AAMDC: variants seen among roughly 807,000 people sequenced by gnomAD.
The protein encoded by AAMDC is mth938 domain-containing protein.
In AAMDC, 16 loss-of-function variants were observed where a neutral mutation model predicts 15.5. That is an observed-to-expected ratio of 1.03 (90% CI 0.70 to 1.57). The LOEUF is 1.57. Among genes scored for constraint, AAMDC ranks in the 40% most tolerant of loss-of-function variants. AAMDC has a pLI of 0.00. For synonymous variants in AAMDC, 51 were observed against 51.6 expected, an observed-to-expected ratio of 0.99 and a Z score of 0.05; for missense variants, 141 against 144.9, an observed-to-expected ratio of 0.97 and a Z score of 0.14.
rs111466824 is a variant in AAMDC, at chr11:77,839,908, A to T, written c.-18-2571A>T. 1.6e-3 allele frequency among the ~76,000 whole-genome samples: 244 copies of T among 152,280 alleles called. 2 individuals carry two copies. The highest frequency in any genetic ancestry group is 5.7e-3 in the African/African-American group (235 of 41,542). On this transcript the variant is annotated intron_variant, in intron 1 of 3. Transcript: ENST00000393427. ...GGTGATGGGTTGATAGGTGCAGCAA[A>T]CCACCATGGCACATGTGTACCTATG...
intron 1 of AAMDC, among the ~76,000 whole-genome samples, chr11:77,837,133 T>G (rs1036320130): frequency 1.3e-5 from 2 of 152,308 alleles, no homozygotes; most frequent in South Asian, 4.1e-4. Context: ...TTTTGTTTGT[T>G]TGTTTGCTTG....
At chr11:77,900,515 C>T (rs1952743613) in intron 5 of AAMDC, 5 of 606,786 alleles carry the variant, frequency 8.2e-6, no homozygotes, top group South Asian at 1.9e-5. Flanking sequence ...TAGTATGTTT[C>T]TGTGTTTAAG....
chr11:77,834,689 ACAGACGTGAGCCAC>A (rs1323043629), intron 1 of AAMDC, among the ~76,000 whole-genome samples: 2 of 152,170 alleles, frequency 1.3e-5, no homozygotes, highest in African/African-American at 2.4e-5. Flanking sequence ...TTCTGGGATT[ACAGACGTGAGCCAC>A]TGCGCCTGGC....
At chr11:77,821,916 TC>T (rs1297785345) in intron 1 of AAMDC, among the ~76,000 whole-genome samples, 3 of 152,104 alleles carry the variant, frequency 2.0e-5, no homozygotes, top group African/African-American at 7.2e-5. Flanking sequence ...TTCTTTGAAC[TC>T]CTTAGAGTGG....
At position 77,853,708 on chromosome 11, in the gene AAMDC, A is replaced by C. The variant is rs531708273; in HGVS notation, c.132+11080A>C. Among the ~76,000 whole-genome samples, 10 of 152,248 alleles carry C rather than the reference A, an allele frequency of 6.6e-5. No individual in the cohort carries two copies. The East Asian group carries it at 1.8e-3, about 27-fold the overall frequency. Reference sequence around the variant, plus strand: ...GTAATCCCAGCACTTTGGGAGGCCAAAGTGGATGGATTGCTTCAGGTGAGG... The same window carrying C: ...GTAATCCCAGCACTTTGGGAGGCCACAGTGGATGGATTGCTTCAGGTGAGG... On this transcript the variant is annotated intron_variant, in intron 2 of 3. Coordinates refer to ENST00000393427, the MANE Select transcript of AAMDC (RefSeq NM_024684.4).
At chr11:77,839,747 C>T (rs1949845555) in intron 1 of AAMDC, among the ~76,000 whole-genome samples, 1 of 152,068 alleles carries the variant, frequency 6.6e-6, no homozygotes, top group African/African-American at 2.4e-5. Flanking sequence ...CATGTTCTCA[C>T]TTATAAGTGG....
chr11:77,891,909 A>G (rs1454321782), intron 5 of AAMDC: 2 of 1,599,792 alleles, frequency 1.3e-6, no homozygotes, highest in East Asian at 2.2e-5. Context: ...TGGGCCCCAG[A>G]CACCTATCAA....
intron 5 of AAMDC, chr11:77,884,676 G>A (rs1951923547): frequency 4.6e-6 from 1 of 218,832 alleles, no homozygotes; most frequent in Non-Finnish European, 1.0e-5. Context: ...AACTGCGGAA[G>A]GCATGTCTCA....
intron 5 of AAMDC, among the ~76,000 whole-genome samples, chr11:77,889,489 A>C (rs1487467963): frequency 6.6e-6 from 1 of 152,196 alleles, no homozygotes; most frequent in Non-Finnish European, 1.5e-5. Flanking sequence ...TGGCACATGT[A>C]TACAGATGTA....
chr11:77,829,136 T>TG (rs1235883065), intron 1 of AAMDC, among the ~76,000 whole-genome samples: 2 of 152,006 alleles, frequency 1.3e-5, no homozygotes, highest in Non-Finnish European at 2.9e-5. Flanking sequence ...GTCATGAGGG[T>TG]GGGGCCCTAA....
In AAMDC at chr11:77,846,215, T is replaced by G. The variant is rs535642681; in HGVS notation, c.132+3587T>G. Among the ~76,000 whole-genome samples the G allele has an allele frequency of 2.0e-5, 3 of 152,366 alleles. No homozygotes were observed. In the East Asian group the frequency reaches 5.8e-4, roughly 29 times the overall value. ...AGCTAATGATTTGACTGAGATTTCTTTACATTGCTGGAATCAGATGTTTAG... is the reference window on the plus strand; with the variant it reads ...AGCTAATGATTTGACTGAGATTTCTGTACATTGCTGGAATCAGATGTTTAG... On this transcript the variant is annotated intron_variant, in intron 2 of 3. Transcript: ENST00000393427.
intron 1 of AAMDC, among the ~76,000 whole-genome samples, chr11:77,827,055 A>C (rs1282251674): frequency 6.6e-6 from 1 of 152,074 alleles, no homozygotes; most frequent in Non-Finnish European, 1.5e-5. Flanking sequence ...CAGTGAGCTG[A>C]GATGGGGCCA....
At chr11:77,856,509 T>C (rs1217864629) in intron 2 of AAMDC, among the ~76,000 whole-genome samples, 1 of 152,206 alleles carries the variant, frequency 6.6e-6, no homozygotes, top group African/African-American at 2.4e-5. Flanking sequence ...TGTTAGTCTC[T>C]TCTTGCATTG....
intron 2 of AAMDC, among the ~76,000 whole-genome samples, chr11:77,849,472 T>C (rs904636638): frequency 6.6e-6 from 1 of 152,146 alleles, no homozygotes; most frequent in African/African-American, 2.4e-5. Flanking sequence ...GATCTGCCCA[T>C]CTCGGCCTCT....
chr11:77,821,981 G>A (rs1311264778), intron 1 of AAMDC, among the ~76,000 whole-genome samples: 1 of 152,066 alleles, frequency 6.6e-6, no homozygotes, highest in African/African-American at 2.4e-5. Flanking sequence ...ACAGTAAAGT[G>A]ATTAGCACAG....
At chr11:77,870,696 A>G (rs1011651827) in intron 3 of AAMDC, among the ~76,000 whole-genome samples, 3 of 152,158 alleles carry the variant, frequency 2.0e-5, no homozygotes, top group East Asian at 3.8e-4. Context: ...TAAAAATTCA[A>G]TGCAGAAATG....
At chr11:77,853,809 T>TGTA (rs1395905883) in intron 2 of AAMDC, among the ~76,000 whole-genome samples, 2 of 151,700 alleles carry the variant, frequency 1.3e-5, no homozygotes, top group Non-Finnish European at 2.9e-5. Flanking sequence ...GGCATGGTGG[T>TGTA]GCACCCCTGT....
At chr11:77,873,735 TTAAGGAAGACATCAC>T (rs1424383762), downstream of AAMDC, among the ~76,000 whole-genome samples, 1 of 152,112 alleles carries the variant, frequency 6.6e-6, no homozygotes, top group Non-Finnish European at 1.5e-5. Flanking sequence ...GGAAGGAAAA[TTAAGGAAGACATCAC>T]TAAGGAGATG....
intron 1 of AAMDC, among the ~76,000 whole-genome samples, chr11:77,833,216 G>A (rs1335158962): frequency 1.3e-5 from 2 of 151,324 alleles, no homozygotes; most frequent in Non-Finnish European, 2.9e-5. Context: ...TCGCCATGTT[G>A]GCCAGGCTGT....
Sources: allele counts gnomAD v4.1 joint callset (sites outside exome capture counted in the v4.1 genomes callset), GRCh38; gene constraint gnomAD v4.1.1; transcripts MANE v1.5; gene names NCBI Gene and HGNC (gene_info 2026-07-23, HGNC 2026-07-21).